The following APBB1IP variants were observed in gnomAD, a reference collection of about 807,000 sequenced individuals.
APBB1IP encodes the protein amyloid beta A4 precursor protein-binding family B member 1-interacting protein.
Under a neutral mutation model 64.9 loss-of-function variants are expected in APBB1IP, and 27 were observed. The observed-to-expected ratio is 0.42, with a 90% CI of 0.31 to 0.57. The LOEUF (loss-of-function observed/expected upper bound fraction) is 0.57, where lower values mean the gene tolerates loss of function less well. APBB1IP is among the 20% of genes least tolerant of loss of function. APBB1IP has a pLI of 0.20. For synonymous variants in APBB1IP, 392 were observed against 331.0 expected (o/e 1.18, Z -2.00); for missense variants, 812 against 845.5 (o/e 0.96, Z 0.49).
chr10:26,520,961 C>A (rs1037066982), intron 8 of APBB1IP, among the ~76,000 whole-genome samples: 1 of 152,128 alleles, frequency 6.6e-6, no homozygotes. Flanking sequence ...CTAAACTCTG[C>A]AAATTTGTGA....
chr10:26,466,018 T>G (rs1011996797), intron 2 of APBB1IP, among the ~76,000 whole-genome samples: 2 of 152,164 alleles, frequency 1.3e-5, no homozygotes, highest in African/African-American at 4.8e-5. Flanking sequence ...AGGGCTAGCT[T>G]GTATCAGCTC....
rs375744130 is a variant in APBB1IP at position 26,511,881 on chromosome 10, T to C, written c.666T>C (p.Tyr222=). The C allele has an allele frequency of 1.9e-6, 3 of 1,614,124 alleles. No homozygotes were observed. The highest frequency in any genetic ancestry group is 2.7e-5 in the African/African-American group (2 of 74,942). ...ACTGCAATGTAGACTGGTGTCTTTA[T>C]GAAATCTACCCGGAACTACAAATTG... ...HCDCNVDWCL[Y]EIYPELQIER... The change falls in exon 7 of 15, where the codon TAT becomes TAC. Residue 222 remains tyrosine, a synonymous_variant. Transcript: ENST00000376236.
intron 3 of APBB1IP, 75 bp downstream of exon 3, chr10:26,492,473 G>A: frequency 2.2e-6 from 3 of 1,377,936 alleles, no homozygotes; most frequent in Non-Finnish European, 3.1e-6. Context: ...TATGACAAGG[G>A]AGCTGTCTTT....
chr10:26,556,378 C>T (rs1242889658), intron 11 of APBB1IP, among the ~76,000 whole-genome samples: 4 of 152,132 alleles, frequency 2.6e-5, no homozygotes, highest in African/African-American at 9.7e-5. Context: ...AGCTTTTTCC[C>T]ATTAGGTAGC....
At chr10:26,445,166 AAGAAAG>A (rs1338387522) in intron 2 of APBB1IP, among the ~76,000 whole-genome samples, 1 of 151,092 alleles carries the variant, frequency 6.6e-6, no homozygotes, top group East Asian at 2.0e-4. Context: ...GAAAGAAAGA[AAGAAAG>A]AAAGAAAGAA....
chr10:26,456,326 C>T (rs1215079269), intron 2 of APBB1IP, among the ~76,000 whole-genome samples: 1 of 152,108 alleles, frequency 6.6e-6, no homozygotes, highest in Non-Finnish European at 1.5e-5. Flanking sequence ...AAGTGAAAGC[C>T]TTTGGTGTGC....
At chr10:26,467,196 G>A (rs1396925867) in intron 2 of APBB1IP, among the ~76,000 whole-genome samples, 1 of 152,028 alleles carries the variant, frequency 6.6e-6, no homozygotes, top group Non-Finnish European at 1.5e-5. Context: ...GTGAGCCACC[G>A]TGCCCAGCCT....
intron 10 of APBB1IP, among the ~76,000 whole-genome samples, chr10:26,538,022 A>G (rs1292581692): frequency 6.6e-6 from 1 of 152,128 alleles, no homozygotes; most frequent in Non-Finnish European, 1.5e-5. Flanking sequence ...TTGAGGAACT[A>G]ACTAGTATAT....
At chr10:26,555,526 A>G (rs1163565585) in intron 11 of APBB1IP, among the ~76,000 whole-genome samples, 2 of 152,152 alleles carry the variant, frequency 1.3e-5, no homozygotes, top group African/African-American at 2.4e-5. Flanking sequence ...AGGTGTTTAC[A>G]TACATCTCTC....
intron 2 of APBB1IP, among the ~76,000 whole-genome samples, chr10:26,450,033 A>G (rs1228614002): frequency 6.6e-6 from 1 of 152,024 alleles, no homozygotes; most frequent in African/African-American, 2.4e-5. Flanking sequence ...AGTATCAGCA[A>G]CATCCTGTCA....
chr10:26,477,122 TTAC>T (rs1263660219), intron 2 of APBB1IP, among the ~76,000 whole-genome samples: 2 of 152,320 alleles, frequency 1.3e-5, no homozygotes, highest in African/African-American at 4.8e-5. Flanking sequence ...CCCAGACCAG[TTAC>T]TTTGTTCATT....
intron 2 of APBB1IP, among the ~76,000 whole-genome samples, chr10:26,487,557 AG>A (rs1835907469): frequency 3.3e-5 from 5 of 152,162 alleles, no homozygotes. Context: ...ACTCAGTAAC[AG>A]ACTCTGGGGG....
intron 2 of APBB1IP, among the ~76,000 whole-genome samples, chr10:26,468,991 G>A (rs913891122): frequency 3.3e-5 from 5 of 152,138 alleles, no homozygotes; most frequent in African/African-American, 1.2e-4. Flanking sequence ...TGCAACTGCT[G>A]CGGGCTGAGA....
chr10:26,527,068 C>A (rs1836483865), intron 8 of APBB1IP, among the ~76,000 whole-genome samples: 1 of 152,190 alleles, frequency 6.6e-6, no homozygotes, highest in East Asian at 1.9e-4. Flanking sequence ...CCTCAGCCCA[C>A]CAAGGGCAGT....
chr10:26,538,797 T>C (rs754772087), intron 10 of APBB1IP, among the ~76,000 whole-genome samples: 21 of 152,174 alleles, frequency 1.4e-4, no homozygotes, highest in Non-Finnish European at 3.1e-4. Flanking sequence ...ACTGATTTCA[T>C]GGAAAAAAGA....
intron 11 of APBB1IP, among the ~76,000 whole-genome samples, chr10:26,558,967 G>C (rs1379395424): frequency 1.3e-5 from 2 of 152,132 alleles, no homozygotes; most frequent in Non-Finnish European, 2.9e-5. Context: ...TCCTTCTCCA[G>C]GGTGTCCATC....
At chr10:26,539,927 AT>A (rs1184667216) in intron 10 of APBB1IP, among the ~76,000 whole-genome samples, 1 of 152,190 alleles carries the variant, frequency 6.6e-6, no homozygotes, top group Non-Finnish European at 1.5e-5. Context: ...TATAGATAAT[AT>A]CCAAATTTTG....
intron 8 of APBB1IP, among the ~76,000 whole-genome samples, chr10:26,516,563 T>TAAAAAAAAAAAAAAAAAAA (rs1198670517): frequency 1.6e-3 from 86 of 53,184 alleles, no homozygotes; most frequent in East Asian, 5.7e-3. Flanking sequence ...AAAAAAAAAG[T>TAAAAAAAAAAAAAAAAAAA]AAAGCGGAAA....
chr10:26,534,622 T>G (rs787051), intron 9 of APBB1IP, among the ~76,000 whole-genome samples: 70,025 of 151,928 alleles, frequency 0.46, 16,580 homozygotes, highest in East Asian at 0.61. Context: ...GCGCATGTCT[T>G]TTCCCTGCCT....
Sources: allele counts gnomAD v4.1 joint callset (sites outside exome capture counted in the v4.1 genomes callset), GRCh38; gene constraint gnomAD v4.1.1; transcripts MANE v1.5; gene names NCBI Gene and HGNC (gene_info 2026-07-23, HGNC 2026-07-21).